Variants in ARHGAP26 observed in about 807,000 individuals in gnomAD.
The protein encoded by ARHGAP26 is rho GTPase-activating protein 26.
A neutral mutation model predicts 104.8 loss-of-function variants in ARHGAP26; 38 were observed. The observed-to-expected ratio is 0.36, with a 90% CI of 0.28 to 0.48. The LOEUF (loss-of-function observed/expected upper bound fraction) is 0.48, where lower values mean the gene tolerates loss of function less well. ARHGAP26 is among the 20% of genes least tolerant of loss of function. ARHGAP26 has a pLI of 0.99. For missense variants in ARHGAP26, 704 were observed against 947.9 expected, an observed-to-expected ratio of 0.74 and a Z score of 3.38; for synonymous variants, 341 against 340.0, an observed-to-expected ratio of 1.00 and a Z score of -0.03.
intron 17 of ARHGAP26, among the ~76,000 whole-genome samples, chr5:143,092,056 A>G (rs928009933): frequency 6.6e-6 from 1 of 152,142 alleles, no homozygotes; most frequent in Non-Finnish European, 1.5e-5. Context: ...TAAATTATAC[A>G]ATATTTCTTG....
chr5:143,113,125 A>G (rs766392242), intron 17 of ARHGAP26, among the ~76,000 whole-genome samples: 1 of 152,234 alleles, frequency 6.6e-6, no homozygotes, highest in Non-Finnish European at 1.5e-5. Flanking sequence ...ATTAGAGAAG[A>G]TGAGTGGAAA....
chr5:143,196,471 C>T (rs1017955459), intron 20 of ARHGAP26, among the ~76,000 whole-genome samples: 6 of 152,142 alleles, frequency 3.9e-5, no homozygotes, highest in African/African-American at 1.4e-4. Context: ...TTTTCATCAC[C>T]TGATCAGTAC....
intron 11 of ARHGAP26, among the ~76,000 whole-genome samples, chr5:142,970,151 C>G (rs554562197): frequency 1.3e-5 from 2 of 152,240 alleles, no homozygotes; most frequent in African/African-American, 4.8e-5. Context: ...GGAAAATTCC[C>G]ACTGAGCCCA....
chr5:143,138,749 A>G (rs1430550057), intron 19 of ARHGAP26, among the ~76,000 whole-genome samples: 1 of 152,222 alleles, frequency 6.6e-6, no homozygotes, highest in East Asian at 1.9e-4. Context: ...ATAACTTACC[A>G]GGTGGTTTCT....
intron 10 of ARHGAP26, among the ~76,000 whole-genome samples, chr5:142,924,099 C>T (rs1337469788): frequency 3.3e-5 from 5 of 151,914 alleles, no homozygotes; most frequent in African/African-American, 1.2e-4. Context: ...CCTGACCTCG[C>T]GATCCACCCG....
At chr5:142,806,985 G>C (rs1177372271) in intron 1 of ARHGAP26, among the ~76,000 whole-genome samples, 1 of 152,206 alleles carries the variant, frequency 6.6e-6, no homozygotes, top group East Asian at 1.9e-4. Flanking sequence ...TGTGAAGGGA[G>C]CCCTCAGGCT....
chr5:142,837,002 G>GTGTC (rs1377641544), intron 1 of ARHGAP26, among the ~76,000 whole-genome samples: 1 of 152,198 alleles, frequency 6.6e-6, no homozygotes, highest in African/African-American at 2.4e-5. Context: ...CCCCATTGAT[G>GTGTC]TGTCCTTCAG....
Position 143,053,991 on chromosome 5 carries a change from G to A in ARHGAP26, c.1286-448G>A, listed in dbSNP as rs147352744. On this transcript the variant is annotated intron_variant, in intron 14 of 22. Coordinates refer to ENST00000645722, the MANE Select transcript of ARHGAP26 (RefSeq NM_001135608.3). ...TAATTCACTTAATCATTCTTCTATCGTTGGACATTTAGGTTGTCTCCTTTT... is the reference window on the plus strand; with the variant it reads ...TAATTCACTTAATCATTCTTCTATCATTGGACATTTAGGTTGTCTCCTTTT... Among the ~76,000 whole-genome samples the A allele has an allele frequency of 3.2e-3, 483 of 152,156 alleles. 5 individuals carry two copies. The highest frequency in any genetic ancestry group is 0.011 in the African/African-American group (473 of 41,504).
At chr5:143,012,552 C>CATATATATATATATATGTATATATAT (rs1778950826) in intron 11 of ARHGAP26, among the ~76,000 whole-genome samples, 1 of 20,832 alleles carries the variant, frequency 4.8e-5, no homozygotes, top group Non-Finnish European at 1.4e-4. Context: ...TACATACATA[C>CATATATATATATATATGTATATATAT]ATATATATAT....
intron 5 of ARHGAP26, among the ~76,000 whole-genome samples, chr5:142,893,060 C>T (rs1189731201): frequency 7.1e-6 from 1 of 140,618 alleles, no homozygotes; most frequent in South Asian, 2.4e-4. Context: ...TCTTGGCTCA[C>T]TGCAACCTCC....
chr5:142,813,337 G>A (rs1467290472), intron 1 of ARHGAP26, among the ~76,000 whole-genome samples: 1 of 152,226 alleles, frequency 6.6e-6, no homozygotes, highest in Non-Finnish European at 1.5e-5. Context: ...TACCAGGTCA[G>A]TCTCCATTGA....
chr5:142,963,166 ATATATG>A lies in ARHGAP26; in HGVS notation c.1107+31047_1107+31052del, dbSNP rs1294587896. On this transcript the variant is annotated intron_variant, in intron 11 of 22. Transcript: ENST00000645722. ...TTATGGCTGTGTAGTATTCCATGGTATATATGTATATATATATATATATATATATAT... is the reference window on the plus strand; with the variant it reads ...TTATGGCTGTGTAGTATTCCATGGTATATATATATATATATATATATATAT... Among the ~76,000 whole-genome samples the A allele has an allele frequency of 5.1e-3, 293 of 58,006 alleles. 4 individuals are homozygous for A. Among genetic ancestry groups the A allele is most frequent in the South Asian group, 0.034 (36 of 1,068 alleles). 38.1% of individuals were successfully genotyped at this position (58,006 alleles called of 152,430 possible).
At chr5:143,059,098 C>A (rs368608740) in intron 17 of ARHGAP26, among the ~76,000 whole-genome samples, 1 of 152,194 alleles carries the variant, frequency 6.6e-6, no homozygotes, top group Non-Finnish European at 1.5e-5. Context: ...TAGAGTCAGG[C>A]GTTTGTTAAG....
chr5:142,822,211 A>C (rs1766337187), intron 1 of ARHGAP26, among the ~76,000 whole-genome samples: 1 of 149,686 alleles, frequency 6.7e-6, no homozygotes, highest in South Asian at 2.1e-4. Context: ...TGTTTGATGA[A>C]TCATCAACAG....
chr5:142,959,729 G>A (rs995183061), intron 11 of ARHGAP26, among the ~76,000 whole-genome samples: 1 of 152,228 alleles, frequency 6.6e-6, no homozygotes, highest in African/African-American at 2.4e-5. Flanking sequence ...GGATATCTCT[G>A]TATTTTAAGG....
intron 21 of ARHGAP26, among the ~76,000 whole-genome samples, chr5:143,211,621 C>T (rs1287742711): frequency 2.0e-5 from 3 of 151,170 alleles, no homozygotes; most frequent in Non-Finnish European, 4.4e-5. Flanking sequence ...GACTAGAGTG[C>T]AGTGGTGCAA....
At chr5:142,804,432 T>A (rs415786) in intron 1 of ARHGAP26, among the ~76,000 whole-genome samples, 18,712 of 152,222 alleles carry the variant, frequency 0.12, 1,360 homozygotes, top group East Asian at 0.24. Flanking sequence ...ACTCACTGAA[T>A]GGAAACTTAC....
intron 12 of ARHGAP26, among the ~76,000 whole-genome samples, chr5:143,018,024 T>G (rs1245122657): frequency 6.6e-6 from 1 of 152,242 alleles, no homozygotes; most frequent in African/African-American, 2.4e-5. Flanking sequence ...AGCTCTCTAA[T>G]TTTTTGCCAG....
At chr5:142,828,296 ATTCCTGCAC>A (rs1379451667) in intron 1 of ARHGAP26, among the ~76,000 whole-genome samples, 1 of 152,218 alleles carries the variant, frequency 6.6e-6, no homozygotes, top group South Asian at 2.1e-4. Flanking sequence ...CTGAAAGATT[ATTCCTGCAC>A]TCTGTACGAT....
Sources: gnomAD v4.1 joint callset for allele counts (sites outside exome capture counted in the v4.1 genomes callset) on GRCh38, gnomAD v4.1.1 for gene constraint, MANE v1.5 for transcripts, NCBI Gene and HGNC (gene_info 2026-07-23, HGNC 2026-07-21) for gene names.